The following NEK10 variants were observed in gnomAD, a reference collection of about 807,000 sequenced individuals.
NEK10 encodes serine/threonine-protein kinase Nek10.
A neutral mutation model predicts 159.8 loss-of-function variants in NEK10; 122 were observed. The ratio of observed to expected loss-of-function variants is 0.76; its 90% CI spans 0.66 to 0.89. NEK10 has a LOEUF of 0.89. Among genes scored for constraint, NEK10 ranks in the 40% least tolerant of loss-of-function variants. The probability of loss-of-function intolerance (pLI) is 0.00; values close to 1 mark genes in which losing one functional copy is unlikely to be tolerated. For missense variants in NEK10, 1,342 were observed against 1,323.1 expected (o/e 1.01, Z -0.22); for synonymous variants, 466 against 457.1 (o/e 1.02, Z -0.25).
chr3:27,353,810 C>A (rs1468780473), intron 1 of NEK10, among the ~76,000 whole-genome samples: 4 of 151,970 alleles, frequency 2.6e-5, no homozygotes, highest in African/African-American at 9.7e-5. Context: ...GTTTCTACCA[C>A]AAGCAAAAAA....
At chr3:27,221,419 A>G (rs1486840851) in intron 23 of NEK10, among the ~76,000 whole-genome samples, 2 of 152,244 alleles carry the variant, frequency 1.3e-5, no homozygotes, top group Non-Finnish European at 2.9e-5. Context: ...TGTCATACCC[A>G]CTAGTGTGGC....
intron 11 of NEK10, among the ~76,000 whole-genome samples, chr3:27,306,836 T>C (rs2044280785): frequency 6.6e-6 from 1 of 152,238 alleles, no homozygotes; most frequent in South Asian, 2.1e-4. Context: ...CTGGCACTTT[T>C]GTTCTTATGG....
At chr3:27,179,914 C>G (rs1468688895) in intron 26 of NEK10, among the ~76,000 whole-genome samples, 1 of 151,858 alleles carries the variant, frequency 6.6e-6, no homozygotes, top group Non-Finnish European at 1.5e-5. Context: ...AACCTGGTCT[C>G]TACTAAAAAT....
At chr3:27,122,059 A>C (rs536595430) in intron 32 of NEK10, among the ~76,000 whole-genome samples, 1 of 152,272 alleles carries the variant, frequency 6.6e-6, no homozygotes, top group South Asian at 2.1e-4. Flanking sequence ...ACAAACACCT[A>C]CTACCCTCTA....
chr3:27,313,541 C>G lies in NEK10; in HGVS notation c.489+756G>C, dbSNP rs145070414. Reference sequence around the variant, plus strand: ...GGCCCAGTGGCACACACCTGTAATCCCAGCTACTCAGGAGGCTGAAGCAGG... The same window carrying G: ...GGCCCAGTGGCACACACCTGTAATCGCAGCTACTCAGGAGGCTGAAGCAGG... On this transcript the variant is annotated intron_variant, in intron 7 of 35. Coordinates refer to ENST00000691995, the MANE Select transcript of NEK10 (RefSeq NM_001394966.1). Among the ~76,000 whole-genome samples, 765 of 152,194 alleles carry G rather than the reference C, an allele frequency of 5.0e-3. 8 individuals carry two copies. Among genetic ancestry groups the G allele is most frequent in the African/African-American group, 0.018 (731 of 41,508 alleles).
intron 30 of NEK10, among the ~76,000 whole-genome samples, chr3:27,146,215 C>A (rs1474519402): frequency 6.6e-6 from 1 of 152,100 alleles, no homozygotes; most frequent in Non-Finnish European, 1.5e-5. Flanking sequence ...GTTGCCCATC[C>A]CTGGTGCTTT....
chr3:27,291,328 C>T lies in NEK10; in HGVS notation c.1539G>A (p.Leu513=). 2.5e-6 allele frequency: 4 copies of T among 1,613,438 alleles called. No individual in the cohort carries two copies. Among genetic ancestry groups the T allele is most frequent in the Non-Finnish European group, 2.5e-6 (3 of 1,179,470 alleles). The change falls in exon 18 of 36, where the codon TTG becomes TTA. Residue 513 remains leucine (L), a synonymous_variant. Coordinates refer to ENST00000691995, the MANE Select transcript of NEK10 (RefSeq NM_001394966.1). Reference sequence around the variant, plus strand: ...AAATTGCATAGTTGCCTATATATTTCAAAGGAGCTTTGTTCTGATTAATGC... The same window carrying T: ...AAATTGCATAGTTGCCTATATATTTTAAAGGAGCTTTGTTCTGATTAATGC... ...IESINQNKAP[L]KYIGNYAILD... is the part of the protein sequence containing the mutation.
intron 31 of NEK10, among the ~76,000 whole-genome samples, chr3:27,137,138 T>C (rs1474415210): frequency 6.6e-6 from 1 of 152,214 alleles, no homozygotes; most frequent in African/African-American, 2.4e-5. Context: ...AGAGGAATCA[T>C]TCCCGACTAT....
intron 33 of NEK10, 146 bp from the exon 34 acceptor site, chr3:27,116,273 C>A: frequency 1.4e-6 from 1 of 718,336 alleles, no homozygotes; most frequent in Non-Finnish European, 2.4e-6. Flanking sequence ...AAAGCATCTG[C>A]CTTGGCTTTG....
intron 31 of NEK10, among the ~76,000 whole-genome samples, chr3:27,139,414 C>T (rs1943555322): frequency 6.6e-6 from 1 of 152,124 alleles, no homozygotes; most frequent in Admixed American, 6.5e-5. Context: ...AAATCCATAA[C>T]TAGGGTCCTA....
chr3:27,254,036 T>C (rs1222729605), intron 23 of NEK10, among the ~76,000 whole-genome samples: 1 of 151,922 alleles, frequency 6.6e-6, no homozygotes, highest in East Asian at 1.9e-4. Context: ...CCCCTTGTGA[T>C]TGGAAAAAAA....
intron 30 of NEK10, among the ~76,000 whole-genome samples, chr3:27,156,939 T>TAC (rs1945514986): frequency 3.3e-5 from 2 of 61,430 alleles, no homozygotes; most frequent in African/African-American, 1.4e-4. Context: ...GATATATATA[T>TAC]ATATATATAT....
At chr3:27,305,109 T>C (rs768215528) in intron 11 of NEK10, 138 bp from the exon 12 acceptor site, 24 of 627,284 alleles carry the variant, frequency 3.8e-5, no homozygotes, top group Non-Finnish European at 6.2e-5. Flanking sequence ...CCATTTTCTG[T>C]AAGGAGCCCG....
chr3:27,265,301 G>T (rs2040797093), intron 22 of NEK10, among the ~76,000 whole-genome samples: 1 of 152,144 alleles, frequency 6.6e-6, no homozygotes, highest in Non-Finnish European at 1.5e-5. Context: ...AAATGCCTTG[G>T]AGTGGGATTA....
chr3:27,214,676 C>A (rs1331365926), intron 23 of NEK10: 9 of 576,232 alleles, frequency 1.6e-5, no homozygotes, highest in Non-Finnish European at 2.9e-5. Flanking sequence ...GAGTTTAAAG[C>A]ATTACTGATA....
chr3:27,228,019 A>C (rs1311859760), intron 23 of NEK10, among the ~76,000 whole-genome samples: 1 of 152,232 alleles, frequency 6.6e-6, no homozygotes, highest in Non-Finnish European at 1.5e-5. Flanking sequence ...AATGGTCAGG[A>C]AGAAACTTGC....
chr3:27,328,304 A>AAG (rs2046157719), intron 5 of NEK10, among the ~76,000 whole-genome samples: 1 of 152,210 alleles, frequency 6.6e-6, no homozygotes, highest in Non-Finnish European at 1.5e-5. Context: ...GATCACAAAA[A>AAG]CAAATAAAAA....
chr3:27,225,811 G>A (rs907218272), intron 23 of NEK10, among the ~76,000 whole-genome samples: 1 of 151,700 alleles, frequency 6.6e-6, no homozygotes, highest in Non-Finnish European at 1.5e-5. Context: ...GACGTAATCT[G>A]ATTGATGGAG....
At chr3:27,363,063 C>A (rs2048799836) in intron 1 of NEK10, among the ~76,000 whole-genome samples, 2 of 152,184 alleles carry the variant, frequency 1.3e-5, no homozygotes, top group South Asian at 4.1e-4. Context: ...GCGCTCCTGG[C>A]CACCCAGCCA....
Sources: allele counts gnomAD v4.1 joint callset (sites outside exome capture counted in the v4.1 genomes callset), GRCh38; gene constraint gnomAD v4.1.1; transcripts MANE v1.5; gene names NCBI Gene and HGNC (gene_info 2026-07-23, HGNC 2026-07-21).